The following CYP2D6 variants were observed in gnomAD, a reference collection of about 807,000 sequenced individuals.
The protein encoded by CYP2D6 is cytochrome P450 family 2 subfamily D member 6 (gene/pseudogene).
CYP2D6 carries 51 observed loss-of-function variants against 43.5 expected under a neutral mutation model. The observed-to-expected ratio is 1.17, with a 90% CI of 0.94 to 1.48. CYP2D6 has a LOEUF of 1.48. CYP2D6 is among the 40% of genes most tolerant of loss of function. The probability of loss-of-function intolerance (pLI) is 0.00; values close to 1 mark genes in which losing one functional copy is unlikely to be tolerated. For synonymous variants in CYP2D6, 346 were observed against 297.1 expected (o/e 1.16, Z -1.69); for missense variants, 698 against 688.0 (o/e 1.01, Z -0.16).
Position 42,126,527 on chromosome 22 carries a change from A to C in CYP2D6, c.*47T>G, listed in dbSNP as rs892629477. On this transcript the variant is annotated 3_prime_UTR_variant, in exon 9 of 9. Coordinates refer to ENST00000645361, the MANE Select transcript of CYP2D6 (RefSeq NM_000106.6). Reference sequence around the variant, plus strand: ...GAACTACCACATTGCTTTATTGTACATTAGAGCCTCTGGCTAGGGAGCAGG... The same window carrying C: ...GAACTACCACATTGCTTTATTGTACCTTAGAGCCTCTGGCTAGGGAGCAGG... 7.9e-6 allele frequency: 12 copies of C among 1,514,182 alleles called. No individual in the cohort carries two copies. In the African/African-American group the frequency reaches 1.1e-4, roughly 14 times the overall value. The allele number at this position is 1,514,182 out of a possible 1,614,324, so 93.8% of individuals were successfully genotyped here.
chr22:42,128,816 C>T lies in CYP2D6; in HGVS notation c.634G>A (p.Gly212Arg), dbSNP rs761895610. 8.1e-6 allele frequency: 13 copies of T among 1,607,962 alleles called. 1 individual carries two copies. Among genetic ancestry groups the T allele is most frequent in the Admixed American group, 5.0e-5 (3 of 59,648 alleles). ...AGAAAGCCCGACTCCTCCTTCAGTC[C>T]CTCCTGAGCTAGGTCCAGCAGCCTG... is the stretch of plus-strand genomic sequence containing the variant. Reference protein sequence around the residue: ...FLRLLDLAQEGLKEESGFLRE... With the variant: ...FLRLLDLAQERLKEESGFLRE... The change falls in exon 4 of 9, where the codon GGA (glycine) becomes AGA (arginine). Residue 212 changes from glycine to arginine, a missense_variant. This residue lies in a region of CYP2D6 where 588 missense variants were observed against 521.1 expected (regional missense o/e 1.13). Coordinates refer to ENST00000645361, the MANE Select transcript of CYP2D6 (RefSeq NM_000106.6).
At position 42,126,624 on chromosome 22, in the gene CYP2D6, C is replaced by CAAAG. The variant is rs1930942240; in HGVS notation, c.1440_1443dup (p.Ala482LeufsTer11). On this transcript the variant is annotated frameshift_variant, in exon 9 of 9. Transcript: ENST00000645361. LOFTEE classifies it low-confidence loss of function (END_TRUNC). ...TAGGGGGATGGGCTCACCAGGAAAG[C>CAAAG]AAAGACACCATGGTGGCTGGGCCGG... The CAAAG allele has an allele frequency of 1.2e-6, 2 of 1,608,390 alleles. No homozygotes were observed. The highest frequency in any genetic ancestry group is 2.7e-5 in the African/African-American group (2 of 73,828).
At chr22:42,127,406 G>C in intron 7 of CYP2D6, 41 bp downstream of exon 7, 1 of 1,456,138 alleles carries the variant, frequency 6.9e-7, no homozygotes, top group Non-Finnish European at 9.6e-7. Flanking sequence ...CTATCACCAG[G>C]TGCTGGTGCT....
In CYP2D6 at chr22:42,130,795, T is replaced by A. The variant is rs2146945266; in HGVS notation, c.-4A>T. 3 of 1,562,856 alleles carry A rather than the reference T, an allele frequency of 1.9e-6. No individual in the cohort carries two copies. Among genetic ancestry groups the A allele is most frequent in the Non-Finnish European group, 2.6e-6 (3 of 1,152,742 alleles). Reference sequence around the variant, plus strand: ...GCACCAGTGCTTCTAGCCCCATACCTGCCTCACTACCAAATGGGCTCCTCT... The same window carrying A: ...GCACCAGTGCTTCTAGCCCCATACCAGCCTCACTACCAAATGGGCTCCTCT... On this transcript the variant is annotated 5_prime_UTR_variant, in exon 1 of 9. Coordinates refer to ENST00000645361, the MANE Select transcript of CYP2D6 (RefSeq NM_000106.6).
rs762154814 is a variant in CYP2D6 at position 42,129,804 on chromosome 22, C to A, written c.286G>T (p.Glu96Ter). ...AVREALVTHG[E>*]DTADRPPVPI... is the part of the protein sequence containing the mutation. ...ACAGGCGGGCGGTCGGCGGTGTCCT[C>A]GCCGTGGGTCACCAGCGCCTCGCGC... Residue 96 changes from glutamate to a stop codon, truncating the protein, a stop_gained, in exon 2 of 9, where the codon GAG becomes TAG. Transcript: ENST00000645361. LOFTEE classifies it high-confidence loss of function. The A allele has an allele frequency of 6.2e-7, 1 of 1,606,106 alleles. No homozygotes were observed. Among genetic ancestry groups the A allele is most frequent in the South Asian group, 1.1e-5 (1 of 90,780 alleles).
Position 42,126,722 on chromosome 22 carries a change from G to A in CYP2D6, c.1346C>T (p.Ala449Val). The stretch of plus-strand genomic sequence containing the variant: ...GAAGAAGAGGAAGAGCTCCATGCGG[G>A]CCAGGGGCTCCCCGAGGCATGCACG... ...GRRACLGEPL[A>V]RMELFLFFTS... Residue 449 changes from alanine (A) to valine (V), a missense_variant, in exon 9 of 9, where the codon GCC (alanine) becomes GTC (valine). Ala to Val is a moderately conservative substitution (Grantham distance 64). Around this residue, in one of 5 missense-constraint regions of CYP2D6, gnomAD observed 85 missense variants for 81.2 expected, o/e 1.05. Coordinates refer to ENST00000645361, the MANE Select transcript of CYP2D6 (RefSeq NM_000106.6). The A allele has an allele frequency of 1.9e-6, 3 of 1,567,850 alleles. No homozygotes were observed. The highest frequency in any genetic ancestry group is 2.4e-5 in the East Asian group (1 of 42,472).
intron 2 of CYP2D6, 74 bp from the exon 3 acceptor site, chr22:42,129,259 A>ATGC: frequency 6.5e-7 from 1 of 1,530,614 alleles, no homozygotes; most frequent in Non-Finnish European, 8.9e-7. Context: ...CTCCAACCCT[A>ATGC]TGCTCCCCCT....
rs1477503590 is a variant in CYP2D6 at position 42,129,871 on chromosome 22, C to T, written c.219G>A (p.Leu73=). ...TGAGCACGACCACCGGCGTCCAGGC[C>T]AGCTGCAGGCTGAACACGTCCCCGA... ...RRFGDVFSLQ[L]AWTPVVVLNG... The change falls in exon 2 of 9, where the codon CTG becomes CTA. Residue 73 remains leucine (L), a synonymous_variant. Coordinates refer to ENST00000645361, the MANE Select transcript of CYP2D6 (RefSeq NM_000106.6). The T allele has an allele frequency of 6.3e-7, 1 of 1,594,712 alleles. No homozygotes were observed. Among genetic ancestry groups the T allele is most frequent in the East Asian group, 2.2e-5 (1 of 44,562 alleles).
At position 42,128,843 on chromosome 22, in the gene CYP2D6, G is replaced by A. The variant is rs778690377; in HGVS notation, c.607C>T (p.Leu203Phe). The A allele has an allele frequency of 5.6e-6, 9 of 1,607,326 alleles. 1 individual carries two copies. Among genetic ancestry groups the A allele is most frequent in the African/African-American group, 2.7e-5 (2 of 74,372 alleles). Residue 203 changes from leucine to phenylalanine, a missense_variant, in exon 4 of 9, where the codon CTC becomes TTC. Transcript: ENST00000645361. ...RRFEYDDPRFLRLLDLAQEGL... is the reference protein window; with the variant it reads ...RRFEYDDPRFFRLLDLAQEGL... ...TCCTGAGCTAGGTCCAGCAGCCTGA[G>A]GAAGCGAGGGTCGTCGTACTCGAAG...
In CYP2D6 at chr22:42,127,840, AC is replaced by A. The variant is rs2146932601; in HGVS notation, c.985+1del. 1 of 1,610,766 alleles carries A rather than the reference AC, an allele frequency of 6.2e-7. No homozygotes were observed. Among genetic ancestry groups the A allele is most frequent in the East Asian group, 2.2e-5 (1 of 44,742 alleles). Reference sequence around the variant, plus strand: ...CCTGCACTGTTTCCCAGATGGGCTCACGCTGCACATCCGGATGTAGGATCAT... The same window carrying A: ...CCTGCACTGTTTCCCAGATGGGCTCAGCTGCACATCCGGATGTAGGATCAT... On this transcript the variant is annotated splice_donor_variant, in intron 6 of 8. Transcript: ENST00000645361. LOFTEE classifies it high-confidence loss of function.
chr22:42,128,418 C>T, intron 4 of CYP2D6, 68 bp from the exon 5 acceptor site: 4 of 1,556,034 alleles, frequency 2.6e-6, no homozygotes, highest in Admixed American at 3.4e-5. Context: ...GTCTCAGGCC[C>T]CAGCCATCTC....
rs1397696580 is a variant in CYP2D6, at chr22:42,129,812, G to A, written c.278C>T (p.Thr93Ile). 4 of 1,605,032 alleles carry A rather than the reference G, an allele frequency of 2.5e-6. No homozygotes were observed. The highest frequency in any genetic ancestry group is 3.4e-6 in the Non-Finnish European group (4 of 1,176,298). Reference protein sequence around the residue: ...GLAAVREALVTHGEDTADRPP... With the variant: ...GLAAVREALVIHGEDTADRPP... ...GCGGTCGGCGGTGTCCTCGCCGTGG[G>A]TCACCAGCGCCTCGCGCACGGCCGC... Residue 93 changes from threonine (T) to isoleucine (I), a missense_variant, in exon 2 of 9, where the codon ACC becomes ATC. Coordinates refer to ENST00000645361, the MANE Select transcript of CYP2D6 (RefSeq NM_000106.6).
rs367570204 is a variant in CYP2D6 at position 42,128,288 on chromosome 22, G to A, written c.729C>T (p.Phe243=). Residue 243 remains phenylalanine, a synonymous_variant, in exon 5 of 9, where the codon TTC becomes TTT. Coordinates refer to ENST00000645361, the MANE Select transcript of CYP2D6 (RefSeq NM_000106.6). The part of the protein sequence containing the change: ...IPALAGKVLR[F]QKAFLTQLDE... ...CCAGCTGGGTCAGGAAAGCCTTTTG[G>A]AAGCGTAGGACCTTGCCAGCCAGCG... 5 of 1,610,460 alleles carry A rather than the reference G, an allele frequency of 3.1e-6. No homozygotes were observed. The African/African-American group carries it at 6.7e-5, about 22-fold the overall frequency.
Position 42,128,962 on chromosome 22 carries a change from G to C in CYP2D6, c.506-18C>G. On this transcript the variant is annotated intron_variant, in intron 3 of 8. Coordinates refer to ENST00000645361, the MANE Select transcript of CYP2D6 (RefSeq NM_000106.6). ...GGGGCGTCCTGGGGGTGGGAGATGC[G>C]GGTAAGGGGTCGCCTTCCCCGTCCC... is the stretch of plus-strand genomic sequence containing the variant. 4 of 1,582,632 alleles carry C rather than the reference G, an allele frequency of 2.5e-6. No individual in the cohort carries two copies. Among genetic ancestry groups the C allele is most frequent in the Non-Finnish European group, 2.6e-6 (3 of 1,164,502 alleles).
At position 42,129,109 on chromosome 22, in the gene CYP2D6, GC is replaced by G; in HGVS notation, c.428del (p.Gly143AlafsTer11). 1.9e-6 allele frequency: 3 copies of G among 1,610,516 alleles called. No homozygotes were observed. Among genetic ancestry groups the G allele is most frequent in the Non-Finnish European group, 2.5e-6 (3 of 1,177,930 alleles). On this transcript the variant is annotated frameshift_variant, in exon 3 of 9. Transcript: ENST00000645361. LOFTEE classifies it high-confidence loss of function. ...ACTGCTCCAGCGACTTCTTGCCCAGGCCCAAGTTGCGCAAGGTGGACACGGA... is the reference window on the plus strand; with the variant it reads ...ACTGCTCCAGCGACTTCTTGCCCAGGCCAAGTTGCGCAAGGTGGACACGGA... Reference protein sequence around the residue: ...RFSVSTLRNLGLGKKSLEQWV... With the variant: ...RFSVSTLRNLXLGKKSLEQWV...
rs755227966 is a variant in CYP2D6, at chr22:42,129,079, C to T, written c.459G>A (p.Val153=). ...GLGKKSLEQW[V]TEEAACLCAA... ...CACAAAGGCAGGCGGCCTCCTCGGT[C>T]ACCCACTGCTCCAGCGACTTCTTGC... The change falls in exon 3 of 9, where the codon GTG becomes GTA. Residue 153 remains valine, a synonymous_variant. Transcript: ENST00000645361. The T allele has an allele frequency of 1.8e-5, 29 of 1,609,452 alleles. No individual in the cohort carries two copies. The highest frequency in any genetic ancestry group is 1.7e-5 in the Admixed American group (1 of 59,722).
At position 42,129,809 on chromosome 22, in the gene CYP2D6, T is replaced by A. The variant is rs28371704; in HGVS notation, c.281A>T (p.His94Leu). 1.2e-6 allele frequency: 2 copies of A among 1,604,352 alleles called. No homozygotes were observed. Among genetic ancestry groups the A allele is most frequent in the Non-Finnish European group, 1.7e-6 (2 of 1,175,990 alleles). ...LAAVREALVT[H>L]GEDTADRPPV... ...CGGGCGGTCGGCGGTGTCCTCGCCG[T>A]GGGTCACCAGCGCCTCGCGCACGGC... Residue 94 changes from histidine to leucine, a missense_variant, in exon 2 of 9, where the codon CAC (histidine) becomes CTC (leucine). Transcript: ENST00000645361.
At chr22:42,127,793 C>A (rs749933540) in intron 6 of CYP2D6, 49 bp downstream of exon 6, 1 of 1,603,504 alleles carries the variant, frequency 6.2e-7, no homozygotes, top group East Asian at 2.2e-5. Context: ...GGGCCCCCGC[C>A]TGTACCCTTC....
rs763708198 is a variant in CYP2D6 at position 42,129,867 on chromosome 22, A to T, written c.223T>A (p.Trp75Arg). 1 of 1,595,840 alleles carries T rather than the reference A, an allele frequency of 6.3e-7. No individual in the cohort carries two copies. The highest frequency in any genetic ancestry group is 8.5e-7 in the Non-Finnish European group (1 of 1,171,964). Residue 75 changes from tryptophan to arginine, a missense_variant, in exon 2 of 9, where the codon TGG (tryptophan) becomes AGG (arginine). Trp to Arg is a moderately radical substitution (Grantham distance 101, BLOSUM62 -3). Coordinates refer to ENST00000645361, the MANE Select transcript of CYP2D6 (RefSeq NM_000106.6). ...CCATTGAGCACGACCACCGGCGTCC[A>T]GGCCAGCTGCAGGCTGAACACGTCC... The part of the protein sequence containing the change: ...FGDVFSLQLA[W>R]TPVVVLNGLA...
Sources: allele counts gnomAD v4.1 joint callset, GRCh38; gene constraint gnomAD v4.1.1; regional missense constraint gnomAD v4.1.1; transcripts MANE v1.5; gene names NCBI Gene and HGNC (gene_info 2026-07-23, HGNC 2026-07-21).